XYLT1: variants seen among roughly 807,000 people sequenced by gnomAD.
The protein encoded by XYLT1 is beta-D-xylosyltransferase 1.
In XYLT1, 36 loss-of-function variants were observed where a neutral mutation model predicts 91.3. The ratio of observed to expected loss-of-function variants is 0.39; its 90% confidence interval spans 0.30 to 0.52. The LOEUF is 0.52. Among genes scored for constraint, XYLT1 ranks in the 20% least tolerant of loss-of-function variants. The pLI is 0.68. For synonymous variants in XYLT1, 588 were observed against 532.0 expected (o/e 1.11, Z -1.45); for missense variants, 1,242 against 1,284.5 (o/e 0.97, Z 0.51).
At chr16:17,113,200 G>A (rs11866119) in intron 11 of XYLT1, among the ~76,000 whole-genome samples, 8,555 of 149,986 alleles carry the variant, frequency 0.057, 804 homozygotes, top group African/African-American at 0.2. Flanking sequence ...GGAGTGCAGT[G>A]GTGTGATCTT....
chr16:17,393,335 G>A (rs532726554), intron 1 of XYLT1, among the ~76,000 whole-genome samples: 5 of 152,320 alleles, frequency 3.3e-5, no homozygotes, highest in Non-Finnish European at 7.3e-5. Context: ...AAGGGGTGCA[G>A]GAGCAATTCT....
intron 3 of XYLT1, chr16:17,249,985 C>T (rs2141746732): frequency 6.6e-6 from 1 of 152,402 alleles, no homozygotes; most frequent in Admixed American, 6.5e-5. Flanking sequence ...CTGTAGGCAC[C>T]TATCTAAATG....
intron 6 of XYLT1, among the ~76,000 whole-genome samples, chr16:17,153,278 C>T (rs547688107): frequency 2.0e-4 from 31 of 152,166 alleles, no homozygotes; most frequent in Non-Finnish European, 3.1e-4. Context: ...AGGTAACTCA[C>T]GTAACTTACC....
At chr16:17,139,001 A>G (rs1211157859) in intron 7 of XYLT1, among the ~76,000 whole-genome samples, 1 of 152,216 alleles carries the variant, frequency 6.6e-6, no homozygotes, top group East Asian at 1.9e-4. Flanking sequence ...CCAGACGGCA[A>G]CATAGGGAAG....
intron 2 of XYLT1, among the ~76,000 whole-genome samples, chr16:17,347,010 A>G (rs1429465149): frequency 6.6e-6 from 1 of 152,156 alleles, no homozygotes; most frequent in African/African-American, 2.4e-5. Context: ...GGAAGATCAC[A>G]TTGAGGGGGG....
intron 3 of XYLT1, among the ~76,000 whole-genome samples, chr16:17,258,261 T>G (rs2033666017): frequency 1.5e-5 from 2 of 133,118 alleles, no homozygotes; most frequent in South Asian, 2.3e-4. Context: ...CAGGAAGGAA[T>G]GTAGAAGGGA....
intron 2 of XYLT1, among the ~76,000 whole-genome samples, chr16:17,306,981 G>A (rs919599808): frequency 6.6e-6 from 1 of 152,032 alleles, no homozygotes; most frequent in Non-Finnish European, 1.5e-5. Context: ...TCTCTGTAGA[G>A]GTGCACGTAC....
At chr16:17,152,927 G>A (rs987223366) in intron 6 of XYLT1, among the ~76,000 whole-genome samples, 15 of 152,036 alleles carry the variant, frequency 9.9e-5, no homozygotes, top group Admixed American at 3.9e-4. Flanking sequence ...AATTGTTGTC[G>A]ATACATATAA....
chr16:17,180,494 G>A (rs760727975), intron 5 of XYLT1, among the ~76,000 whole-genome samples: 2 of 152,172 alleles, frequency 1.3e-5, no homozygotes, highest in African/African-American at 2.4e-5. Flanking sequence ...GGTTTGCCAA[G>A]TAATGTTGAC....
At position 17,327,633 on chromosome 16, in the gene XYLT1, C is replaced by T. The variant is rs1342192590; in HGVS notation, c.402+30379G>A. On this transcript the variant is annotated intron_variant, in intron 2 of 11. Transcript: ENST00000261381. ...CCCCCCCCCCCCCCCCCCCCCGCCT[C>T]GGCCTCCCAAAGTGCTGGGATTACA... Among the ~76,000 whole-genome samples the T allele has an allele frequency of 9.9e-5, 13 of 131,536 alleles. 4 individuals are homozygous for T. The East Asian group carries it at 3.9e-3, about 39-fold the overall frequency. 86.3% of individuals were successfully genotyped at this position (131,536 alleles called of 152,430 possible).
At chr16:17,232,405 CTGTGTGTGTGTG>C (rs1199361319) in intron 3 of XYLT1, among the ~76,000 whole-genome samples, 5 of 119,210 alleles carry the variant, frequency 4.2e-5, no homozygotes, top group African/African-American at 1.3e-4. Flanking sequence ...GTGTCTGTGT[CTGTGTGTGTGTG>C]TGTGTGTGTG....
At chr16:17,191,115 G>C (rs534576517) in intron 5 of XYLT1, among the ~76,000 whole-genome samples, 2 of 152,324 alleles carry the variant, frequency 1.3e-5, no homozygotes, top group South Asian at 4.1e-4. Context: ...AAGCAGAAAA[G>C]AGGGATGAGG....
chr16:17,421,862 G>A (rs530784018), intron 1 of XYLT1, among the ~76,000 whole-genome samples: 37 of 151,886 alleles, frequency 2.4e-4, no homozygotes, highest in Admixed American at 2.2e-3. Context: ...TTTCAAGACC[G>A]AGTCTCACTC....
chr16:17,325,136 G>A (rs991912771), intron 2 of XYLT1, among the ~76,000 whole-genome samples: 6 of 152,176 alleles, frequency 3.9e-5, no homozygotes, highest in African/African-American at 1.2e-4. Flanking sequence ...GGTGGCTCAT[G>A]CCTGTAATCC....
intron 2 of XYLT1, among the ~76,000 whole-genome samples, chr16:17,304,748 C>G (rs1044429592): frequency 1.3e-5 from 2 of 152,172 alleles, no homozygotes; most frequent in East Asian, 1.9e-4. Flanking sequence ...TCTTTGCCCA[C>G]GGTGAGTAAG....
chr16:17,185,883 C>T (rs970689454), intron 5 of XYLT1, among the ~76,000 whole-genome samples: 1 of 152,004 alleles, frequency 6.6e-6, no homozygotes, highest in Non-Finnish European at 1.5e-5. Context: ...TGCCTGTAAT[C>T]CCAGGTACTT....
At chr16:17,448,553 C>T (rs1446009844) in intron 1 of XYLT1, among the ~76,000 whole-genome samples, 1 of 151,970 alleles carries the variant, frequency 6.6e-6, no homozygotes, top group East Asian at 1.9e-4. Context: ...CAATCTAGTC[C>T]CCACACAGCT....
At chr16:17,460,056 C>T (rs1264888286) in intron 1 of XYLT1, among the ~76,000 whole-genome samples, 1 of 152,194 alleles carries the variant, frequency 6.6e-6, no homozygotes, top group African/African-American at 2.4e-5. Flanking sequence ...ATCCTCACAA[C>T]CCAGGGAGGG....
At position 17,470,854 on chromosome 16, in the gene XYLT1, C is replaced by T. The variant is rs916644048; in HGVS notation, c.-58G>A. The T allele has an allele frequency of 1.0e-4, 84 of 838,322 alleles. No individual in the cohort carries two copies. In the African/African-American group the frequency reaches 4.7e-3, roughly 47 times the overall value. 51.9% of individuals were successfully genotyped at this position (838,322 alleles called of 1,614,324 possible). ...GACCCCGGCACGCTCCGGGCCGCCC[C>T]CGCGCTCCCCGCAGCTCCCGCGGCC... On this transcript the variant is annotated 5_prime_UTR_variant, in exon 1 of 12. Transcript: ENST00000261381.
Sources: allele counts gnomAD v4.1 joint callset (sites outside exome capture counted in the v4.1 genomes callset), GRCh38; gene constraint gnomAD v4.1.1; transcripts MANE v1.5; gene names NCBI Gene and HGNC (gene_info 2026-07-23, HGNC 2026-07-21).